NR6A1: variants seen among roughly 807,000 people sequenced by gnomAD.
NR6A1 encodes retinoic acid receptor-related testis-associated receptor.
In NR6A1, 7 loss-of-function variants were observed where a neutral mutation model predicts 59.1. That is an observed-to-expected ratio of 0.12 (90% CI 0.07 to 0.22). NR6A1 has a LOEUF of 0.22. NR6A1 is among the 10% of genes least tolerant of loss of function. The pLI is 1.00. For synonymous variants in NR6A1, 243 were observed against 236.1 expected, an observed-to-expected ratio of 1.03 and a Z score of -0.27; for missense variants, 468 against 611.6, an observed-to-expected ratio of 0.77 and a Z score of 2.48.
chr9:124,700,856 G>A (rs10986403), intron 2 of NR6A1, among the ~76,000 whole-genome samples: 1 of 149,066 alleles, frequency 6.7e-6, no homozygotes, highest in African/African-American at 2.5e-5. Flanking sequence ...TACCTCCCAG[G>A]CTCAAGCGAT....
At chr9:124,564,892 C>A (rs937478365) in intron 2 of NR6A1, among the ~76,000 whole-genome samples, 16 of 151,940 alleles carry the variant, frequency 1.1e-4, no homozygotes, top group South Asian at 2.1e-4. Flanking sequence ...AATGGAGAAC[C>A]CTACAACATA....
intron 2 of NR6A1, among the ~76,000 whole-genome samples, chr9:124,587,882 T>C (rs1834981276): frequency 6.6e-6 from 1 of 152,178 alleles, no homozygotes; most frequent in African/African-American, 2.4e-5. Flanking sequence ...CCCCCCTCCC[T>C]ACCAACAGTC....
At chr9:124,595,791 A>G in intron 2 of NR6A1, 1 of 1,289,582 alleles carries the variant, frequency 7.8e-7, no homozygotes, top group Non-Finnish European at 1.0e-6. Context: ...TCTGCTGAAA[A>G]GTTCTATTGC....
At chr9:124,661,530 T>C (rs934240317) in intron 2 of NR6A1, among the ~76,000 whole-genome samples, 3 of 152,240 alleles carry the variant, frequency 2.0e-5, no homozygotes, top group African/African-American at 2.4e-5. Flanking sequence ...ATTTATCAAA[T>C]GAGACCATGA....
At chr9:124,725,148 GA>G (rs1839675176) in intron 2 of NR6A1, among the ~76,000 whole-genome samples, 1 of 152,174 alleles carries the variant, frequency 6.6e-6, no homozygotes, top group Non-Finnish European at 1.5e-5. Flanking sequence ...GGGTTATTTG[GA>G]AACAGAAGCA....
At chr9:124,628,512 T>A (rs1836318364) in intron 2 of NR6A1, among the ~76,000 whole-genome samples, 1 of 151,980 alleles carries the variant, frequency 6.6e-6, no homozygotes, top group Non-Finnish European at 1.5e-5. Context: ...CCCGGCTAAT[T>A]TTTTGTATTT....
intron 2 of NR6A1, among the ~76,000 whole-genome samples, chr9:124,680,104 G>A (rs1352524079): frequency 2.0e-5 from 3 of 151,970 alleles, no homozygotes; most frequent in South Asian, 2.1e-4. Flanking sequence ...GTGTGTGTGT[G>A]TGTGTGTGTG....
intron 2 of NR6A1, among the ~76,000 whole-genome samples, chr9:124,691,582 G>A (rs529321477): frequency 6.6e-6 from 1 of 152,224 alleles, no homozygotes; most frequent in Admixed American, 6.5e-5. Context: ...TAACCACTAT[G>A]TCCTATAATG....
intron 2 of NR6A1, among the ~76,000 whole-genome samples, chr9:124,667,184 G>A (rs1365592273): frequency 4.6e-5 from 7 of 151,682 alleles, no homozygotes; most frequent in Admixed American, 6.6e-5. Context: ...ACAGGCACCC[G>A]CCACGCCTGG....
chr9:124,706,447 CTG>C (rs1839134969), intron 2 of NR6A1, among the ~76,000 whole-genome samples: 1 of 152,022 alleles, frequency 6.6e-6, no homozygotes, highest in African/African-American at 2.4e-5. Flanking sequence ...ACAATAAATT[CTG>C]TCTTTTTAAT....
At chr9:124,568,465 A>G (rs1834340046) in intron 2 of NR6A1, among the ~76,000 whole-genome samples, 1 of 151,644 alleles carries the variant, frequency 6.6e-6, no homozygotes, top group African/African-American at 2.4e-5. Context: ...CCTGGGTGAC[A>G]CAGCAAGACT....
intron 1 of NR6A1, among the ~76,000 whole-genome samples, chr9:124,755,833 A>G (rs189691287): frequency 6.6e-6 from 1 of 152,346 alleles, no homozygotes; most frequent in East Asian, 1.9e-4. Context: ...TTAAGAATCA[A>G]TTAAACTGTT....
intron 2 of NR6A1, among the ~76,000 whole-genome samples, chr9:124,704,473 C>T (rs1839063295): frequency 6.6e-6 from 1 of 151,366 alleles, no homozygotes; most frequent in Non-Finnish European, 1.5e-5. Flanking sequence ...TACAGTGATG[C>T]AATCATAGCT....
intron 1 of NR6A1, among the ~76,000 whole-genome samples, chr9:124,740,427 T>TA (rs1840143809): frequency 6.6e-6 from 1 of 152,110 alleles, no homozygotes; most frequent in Admixed American, 6.5e-5. Flanking sequence ...TTATTTCACT[T>TA]AGTCAATTGC....
intron 2 of NR6A1, among the ~76,000 whole-genome samples, chr9:124,637,856 C>T (rs1473557783): frequency 7.2e-6 from 1 of 139,532 alleles, no homozygotes; most frequent in Non-Finnish European, 1.5e-5. Flanking sequence ...TGTGCCACTG[C>T]ACTCCAGCCT....
chr9:124,723,103 TA>T lies in NR6A1; in HGVS notation c.142+10204del, dbSNP rs567095580. Among the ~76,000 whole-genome samples the T allele has an allele frequency of 9.4e-4, 143 of 151,798 alleles. 2 individuals are homozygous for T. The highest frequency in any genetic ancestry group is 3.4e-3 in the Middle Eastern group (1 of 292). ...AATACATACTATTTATTATACACATTATATATATGCTATATCATTTATATAG... is the reference window on the plus strand; with the variant it reads ...AATACATACTATTTATTATACACATTTATATATGCTATATCATTTATATAG... On this transcript the variant is annotated intron_variant, in intron 2 of 9. Coordinates refer to ENST00000487099, the MANE Select transcript of NR6A1 (RefSeq NM_033334.4).
At chr9:124,675,518 G>C (rs979522476) in intron 2 of NR6A1, among the ~76,000 whole-genome samples, 2 of 152,202 alleles carry the variant, frequency 1.3e-5, no homozygotes, top group Non-Finnish European at 2.9e-5. Flanking sequence ...AAAGATTTCT[G>C]TTTGAAATTT....
chr9:124,610,293 G>C (rs931363650), intron 2 of NR6A1, among the ~76,000 whole-genome samples: 4 of 152,124 alleles, frequency 2.6e-5, no homozygotes, highest in Admixed American at 2.0e-4. Flanking sequence ...CTAGTTTATT[G>C]AGAGTTTTTA....
At chr9:124,552,263 G>A (rs1031288909) in intron 3 of NR6A1, among the ~76,000 whole-genome samples, 3 of 152,170 alleles carry the variant, frequency 2.0e-5, no homozygotes, top group African/African-American at 4.8e-5. Flanking sequence ...AACAGGGTGA[G>A]GGCAGGAAGT....
Sources: allele counts gnomAD v4.1 joint callset (sites outside exome capture counted in the v4.1 genomes callset), GRCh38; gene constraint gnomAD v4.1.1; transcripts MANE v1.5; gene names NCBI Gene and HGNC (gene_info 2026-07-23, HGNC 2026-07-21).